Variants in NUP205 observed in about 807,000 individuals in gnomAD.
The protein encoded by NUP205 is nuclear pore complex protein Nup205.
NUP205 carries 76 observed loss-of-function variants against 253.8 expected under a neutral mutation model. The ratio of observed to expected loss-of-function variants is 0.30; its 90% CI spans 0.25 to 0.36. The LOEUF (loss-of-function observed/expected upper bound fraction) is 0.36. Among genes scored for constraint, NUP205 ranks in the 10% least tolerant of loss-of-function variants. NUP205 has a pLI of 1.00. For missense variants in NUP205, 2,162 were observed against 2,425.5 expected (o/e 0.89, Z 2.28); for synonymous variants, 832 against 850.1 (o/e 0.98, Z 0.37).
At chr7:135,601,752 C>T (rs1329677206) in intron 17 of NUP205, among the ~76,000 whole-genome samples, 2 of 152,106 alleles carry the variant, frequency 1.3e-5, no homozygotes, top group Non-Finnish European at 2.9e-5. Context: ...GTAAAGTGAT[C>T]TTTCTATCAT....
rs768063895 is a variant in NUP205 at position 135,576,268 on chromosome 7, A to G, written c.344-2A>G. On this transcript the variant is annotated splice_acceptor_variant, in intron 3 of 42. Coordinates refer to ENST00000285968, the MANE Select transcript of NUP205 (RefSeq NM_015135.3). LOFTEE classifies it high-confidence loss of function. Reference sequence around the variant, plus strand: ...ATATTATTTCTCAACTTCCTTTTTTAGGAGAGCATCAACAGCCACATTTTC... The same window carrying G: ...ATATTATTTCTCAACTTCCTTTTTTGGGAGAGCATCAACAGCCACATTTTC... 3.1e-6 allele frequency: 5 copies of G among 1,610,782 alleles called. No individual in the cohort carries two copies. The highest frequency in any genetic ancestry group is 4.2e-6 in the Non-Finnish European group (5 of 1,178,506).
intron 41 of NUP205, chr7:135,645,848 A>T: frequency 1.7e-6 from 1 of 575,598 alleles, no homozygotes; most frequent in South Asian, 2.3e-5. Context: ...TAGGGGGCTG[A>T]TCCAGCTCTA....
intron 1 of NUP205, among the ~76,000 whole-genome samples, chr7:135,566,474 A>G (rs1216256631): frequency 1.3e-5 from 2 of 152,152 alleles, no homozygotes. Flanking sequence ...CTAGAAATTT[A>G]TATGTCGAGC....
At chr7:135,631,201 A>AT (rs998913111) in intron 35 of NUP205, among the ~76,000 whole-genome samples, 3 of 151,284 alleles carry the variant, frequency 2.0e-5, no homozygotes, top group Non-Finnish European at 4.4e-5. Flanking sequence ...GAATTTATTT[A>AT]TTTTTTTATT....
chr7:135,622,758 T>C lies in NUP205; in HGVS notation c.4331-19T>C. 1 of 1,611,740 alleles carries C rather than the reference T, an allele frequency of 6.2e-7. No homozygotes were observed. Among genetic ancestry groups the C allele is most frequent in the Non-Finnish European group, 8.5e-7 (1 of 1,178,980 alleles). On this transcript the variant is annotated intron_variant, in intron 30 of 42. Transcript: ENST00000285968. ...ACTGCTTTTTACTGGAGTGTTTTTT[T>C]CTGTTTTAATCCTTTTAGCCAAGAA... is the stretch of plus-strand genomic sequence containing the variant.
Position 135,598,170 on chromosome 7 carries a change from G to A in NUP205, c.2237G>A (p.Arg746Gln), listed in dbSNP as rs141781749. The A allele has an allele frequency of 3.1e-6, 5 of 1,613,920 alleles. No individual in the cohort carries two copies. Among genetic ancestry groups the A allele is most frequent in the East Asian group, 2.2e-5 (1 of 44,892 alleles). ...LQFLRDSVFL[R>Q]FRTRAYRRAA... is the part of the protein sequence containing the mutation. ...TTCCTTAGAGACTCTGTGTTTCTAC[G>A]ATTCCGTACAAGAGCTTACCGGAGA... The change falls in exon 15 of 43, where the codon CGA (arginine) becomes CAA (glutamine). Residue 746 changes from arginine to glutamine, a missense_variant. By Grantham distance (43) the Arg-to-Gln change is conservative (BLOSUM62 1). Coordinates refer to ENST00000285968, the MANE Select transcript of NUP205 (RefSeq NM_015135.3).
At chr7:135,635,716 C>T (rs1794797492) in intron 36 of NUP205, 59 bp downstream of exon 36, 1 of 1,012,804 alleles carries the variant, frequency 9.9e-7, no homozygotes, top group East Asian at 2.5e-5. Flanking sequence ...AATATACCAT[C>T]CTCCCCATTG....
At chr7:135,633,404 A>G (rs2129492206) in intron 35 of NUP205, among the ~76,000 whole-genome samples, 1 of 152,242 alleles carries the variant, frequency 6.6e-6, no homozygotes, top group East Asian at 1.9e-4. Flanking sequence ...ACACACCACC[A>G]TGCCTAGCTA....
At chr7:135,577,642 G>A (rs1379478047) in intron 5 of NUP205, among the ~76,000 whole-genome samples, 154 bp from the exon 6 acceptor site, 1 of 152,082 alleles carries the variant, frequency 6.6e-6, no homozygotes, top group Non-Finnish European at 1.5e-5. Flanking sequence ...TAAACAATAG[G>A]GTTTGTTCAG....
chr7:135,609,084 A>G (rs1794162269), intron 22 of NUP205, among the ~76,000 whole-genome samples: 1 of 148,544 alleles, frequency 6.7e-6, no homozygotes, highest in Non-Finnish European at 1.5e-5. Context: ...AGCCTGGGCA[A>G]CAAGAGCAAA....
rs151136150 is a variant in NUP205 at position 135,590,137 on chromosome 7, A to C, written c.1474-1313A>C. ...TATTTATTTATTTATTTTGAGACAG[A>C]GTCCCACTTTGTCACCCAAGTTGGA... On this transcript the variant is annotated intron_variant, in intron 10 of 42. Transcript: ENST00000285968. Among the ~76,000 whole-genome samples the C allele has an allele frequency of 7.6e-3, 1,142 of 151,154 alleles. 47 individuals carry two copies. The highest frequency in any genetic ancestry group is 0.013 in the Non-Finnish European group (861 of 67,708).
At chr7:135,566,308 C>G (rs1053856907) in intron 1 of NUP205, among the ~76,000 whole-genome samples, 2 of 152,026 alleles carry the variant, frequency 1.3e-5, no homozygotes, top group African/African-American at 4.8e-5. Context: ...GGAGTTTCAT[C>G]ATGTTGGCCA....
intron 26 of NUP205, 27 bp from the exon 27 acceptor site, chr7:135,617,575 T>C (rs769295997): frequency 1.5e-5 from 24 of 1,571,018 alleles, no homozygotes; most frequent in African/African-American, 4.1e-5. Context: ...AAATGTCTTA[T>C]TTTTCTTTCT....
intron 34 of NUP205, 96 bp downstream of exon 34, chr7:135,628,207 C>T (rs1366640260): frequency 3.3e-6 from 4 of 1,194,600 alleles, no homozygotes; most frequent in South Asian, 1.7e-5. Context: ...AGTGAATTTA[C>T]GTTAGTCCTA....
chr7:135,635,527 T>G (rs778936908), intron 35 of NUP205, 54 bp from the exon 36 acceptor site: 2 of 958,776 alleles, frequency 2.1e-6, no homozygotes, highest in Admixed American at 2.1e-5. Flanking sequence ...TTCCTAGTTT[T>G]TAATGTTTTT....
At chr7:135,611,765 G>A (rs1022927060) in intron 22 of NUP205, among the ~76,000 whole-genome samples, 2 of 152,058 alleles carry the variant, frequency 1.3e-5, no homozygotes, top group Non-Finnish European at 2.9e-5. Flanking sequence ...CTTGAACCTG[G>A]GAGGTGGCAG....
intron 35 of NUP205, 69 bp from the exon 36 acceptor site, chr7:135,635,512 C>G (rs1459550836): frequency 1.1e-5 from 10 of 879,580 alleles, no homozygotes; most frequent in Admixed American, 9.0e-5. Context: ...ATATTAGAAC[C>G]TCTCTTCCTA....
chr7:135,592,861 T>G, intron 11 of NUP205, 126 bp from the exon 12 acceptor site: 1 of 700,750 alleles, frequency 1.4e-6, no homozygotes, highest in South Asian at 1.9e-5. Context: ...CACTCCAGCC[T>G]GGGTGACAGT....
rs1794145470 is a variant in NUP205 at position 135,608,781 on chromosome 7, G to A, written c.3195+1410G>A. 3.3e-5 allele frequency among the ~76,000 whole-genome samples: 5 copies of A among 152,052 alleles called. No homozygotes were observed. The South Asian group carries it at 8.3e-4, about 25-fold the overall frequency. On this transcript the variant is annotated intron_variant, in intron 22 of 42. Coordinates refer to ENST00000285968, the MANE Select transcript of NUP205 (RefSeq NM_015135.3). ...TTTCGCTTGTTCACTTTTGTTTATTGTTTTATTCATTTTATAAGTGTTTTA... is the reference window on the plus strand; with the variant it reads ...TTTCGCTTGTTCACTTTTGTTTATTATTTTATTCATTTTATAAGTGTTTTA...
Sources: gnomAD v4.1 joint callset for allele counts (sites outside exome capture counted in the v4.1 genomes callset) on GRCh38, gnomAD v4.1.1 for gene constraint, MANE v1.5 for transcripts, NCBI Gene and HGNC (gene_info 2026-07-23, HGNC 2026-07-21) for gene names.